Variants in RPA3 observed in about 807,000 individuals in gnomAD.
The protein encoded by RPA3 is replication protein A3, also known as replication protein A 14 kDa subunit.
In RPA3, 24 loss-of-function variants were observed where a neutral mutation model predicts 13.7. That is an observed-to-expected ratio of 1.75 (90% CI 1.27 to 2.46). The LOEUF is 2.46. Among genes scored for constraint, RPA3 ranks in the 30% most tolerant of loss-of-function variants. The pLI is 0.00. For missense variants in RPA3, 183 were observed against 151.0 expected (o/e 1.21, Z -1.11); for synonymous variants, 59 against 51.2 (o/e 1.15, Z -0.65).
At chr7:7,692,385 G>A (rs1459201442) in intron 2 of RPA3, 1 of 152,196 alleles carries the variant, frequency 6.6e-6, no homozygotes, top group African/African-American at 2.4e-5. Context: ...GACATTCCAA[G>A]AGAGAAGAAT....
chr7:7,676,098 G>A (rs1234301155), intron 4 of RPA3: 15 of 398,362 alleles, frequency 3.8e-5, no homozygotes, highest in Admixed American at 8.8e-5. Flanking sequence ...TCCTTCTTCC[G>A]CAGAAGCATC....
intron 4 of RPA3, among the ~76,000 whole-genome samples, chr7:7,669,206 G>A (rs1458332176): frequency 1.3e-5 from 2 of 152,096 alleles, no homozygotes. Context: ...TGTCTACTTG[G>A]GATCTTGGAA....
chr7:7,662,407 G>A (rs1785496997), intron 4 of RPA3, among the ~76,000 whole-genome samples: 1 of 152,088 alleles, frequency 6.6e-6, no homozygotes, highest in South Asian at 2.1e-4. Flanking sequence ...CTAAATGGCC[G>A]CCCAGTTTTG....
chr7:7,639,519 T>A (rs1342908518), intron 5 of RPA3, among the ~76,000 whole-genome samples: 3 of 152,152 alleles, frequency 2.0e-5, no homozygotes, highest in African/African-American at 7.2e-5. Flanking sequence ...ACAGGCATGA[T>A]GAAGTAAAAG....
intron 4 of RPA3, among the ~76,000 whole-genome samples, chr7:7,655,490 A>G (rs1294324400): frequency 6.6e-6 from 1 of 152,216 alleles, no homozygotes; most frequent in East Asian, 1.9e-4. Context: ...ATTCCTCCAG[A>G]GTCCTCCCTG....
intron 2 of RPA3, among the ~76,000 whole-genome samples, chr7:7,712,407 C>T (rs1780787898): frequency 6.6e-6 from 1 of 152,090 alleles, no homozygotes; most frequent in African/African-American, 2.4e-5. Flanking sequence ...ATGCATTTTT[C>T]ATAAAAATCA....
chr7:7,638,174 T>A, intron 6 of RPA3: 1 of 461,716 alleles, frequency 2.2e-6, no homozygotes, highest in Non-Finnish European at 3.9e-6. Flanking sequence ...CCTGCTACCT[T>A]TAGCAGTAGC....
intron 4 of RPA3, among the ~76,000 whole-genome samples, chr7:7,674,370 C>G (rs1779686587): frequency 6.6e-6 from 1 of 152,062 alleles, no homozygotes; most frequent in Non-Finnish European, 1.5e-5. Flanking sequence ...GGGATGTTTC[C>G]CTTAGATTTA....
At chr7:7,680,188 G>A (rs1399647600) in intron 4 of RPA3, among the ~76,000 whole-genome samples, 5 of 151,994 alleles carry the variant, frequency 3.3e-5, no homozygotes, top group African/African-American at 7.2e-5. Context: ...TTAGATTTAC[G>A]TATTTTATCC....
At chr7:7,644,581 A>G (rs1268637126) in intron 4 of RPA3, among the ~76,000 whole-genome samples, 1 of 152,046 alleles carries the variant, frequency 6.6e-6, no homozygotes, top group Non-Finnish European at 1.5e-5. Context: ...TAAGTCTCCA[A>G]TCTCTGTTTT....
In RPA3 at chr7:7,712,682, C is replaced by T. The variant is rs114331207; in HGVS notation, c.-1028+2493G>A. 1.9e-3 allele frequency among the ~76,000 whole-genome samples: 287 copies of T among 152,198 alleles called. 3 individuals are homozygous for T. The highest frequency in any genetic ancestry group is 6.7e-3 in the African/African-American group (280 of 41,498). The stretch of plus-strand genomic sequence containing the variant: ...GGTTTCATTTTATCTTTTGGTCTTA[C>T]TGCATGGTCTAGGACCTCTAGTATG... On this transcript the variant is annotated intron_variant, in intron 2 of 7. Coordinates refer to ENST00000223129, the MANE Select transcript of RPA3 (RefSeq NM_002947.5).
chr7:7,682,457 G>C (rs1253518736), intron 4 of RPA3, among the ~76,000 whole-genome samples: 1 of 152,036 alleles, frequency 6.6e-6, no homozygotes, highest in African/African-American at 2.4e-5. Context: ...AACTTTTAAA[G>C]GTAGTCTCTT....
chr7:7,710,720 C>T (rs899140691), intron 2 of RPA3, among the ~76,000 whole-genome samples: 6 of 152,098 alleles, frequency 3.9e-5, no homozygotes, highest in Non-Finnish European at 5.9e-5. Flanking sequence ...AAATTGAAGA[C>T]GTATATGTGC....
At chr7:7,669,376 C>T (rs1378622398) in intron 4 of RPA3, among the ~76,000 whole-genome samples, 3 of 152,144 alleles carry the variant, frequency 2.0e-5, no homozygotes, top group African/African-American at 7.2e-5. Flanking sequence ...CTTGCTGTAC[C>T]CCTCATAGAG....
intron 4 of RPA3, among the ~76,000 whole-genome samples, chr7:7,663,280 TTTTC>T (rs1025886588): frequency 5.1e-4 from 53 of 103,152 alleles, no homozygotes; most frequent in African/African-American, 4.5e-4. Flanking sequence ...TAAGATAGTT[TTTTC>T]TTTCTTTGTT....
At chr7:7,659,274 T>C (rs1408432426) in intron 4 of RPA3, among the ~76,000 whole-genome samples, 2 of 152,206 alleles carry the variant, frequency 1.3e-5, no homozygotes, top group Non-Finnish European at 2.9e-5. Context: ...TTCATTGATT[T>C]TTCGAAGGGT....
At chr7:7,692,279 A>G (rs2115138524) in intron 2 of RPA3, 1 of 152,334 alleles carries the variant, frequency 6.6e-6, no homozygotes, top group East Asian at 1.9e-4. Context: ...GTGGGCAGGA[A>G]TAGAGACAAA....
intron 4 of RPA3, among the ~76,000 whole-genome samples, chr7:7,664,982 ATG>A (rs1219239823): frequency 1.3e-5 from 2 of 150,320 alleles, no homozygotes; most frequent in Admixed American, 6.7e-5. Flanking sequence ...TTGGAATAAA[ATG>A]TGTGTGGGTG....
At chr7:7,696,350 C>T (rs1473269866) in intron 2 of RPA3, among the ~76,000 whole-genome samples, 2 of 150,260 alleles carry the variant, frequency 1.3e-5, no homozygotes, top group African/African-American at 4.9e-5. Flanking sequence ...TGAAGTATCA[C>T]GATAAAGACA....
Sources: allele counts gnomAD v4.1 joint callset (sites outside exome capture counted in the v4.1 genomes callset), GRCh38; gene constraint gnomAD v4.1.1; transcripts MANE v1.5; gene names NCBI Gene and HGNC (gene_info 2026-07-23, HGNC 2026-07-21).